Variants in SLC45A4 observed in about 807,000 individuals in gnomAD.
SLC45A4 encodes polyamine-transporter SLC45A4.
Under a neutral mutation model 63.7 loss-of-function variants are expected in SLC45A4, and 32 were observed. That is an observed-to-expected ratio of 0.50 (90% confidence interval 0.38 to 0.67). SLC45A4 has a LOEUF of 0.67. Ranked by LOEUF, SLC45A4 falls within the 30% of genes least tolerant of loss-of-function variation. The pLI is 0.00. For synonymous variants in SLC45A4, 535 were observed against 510.0 expected (o/e 1.05, Z -0.66); for missense variants, 1,027 against 1,157.7 (o/e 0.89, Z 1.64).
chr8:141,290,079 C>T (rs933155240), intron 1 of SLC45A4, among the ~76,000 whole-genome samples: 2 of 152,114 alleles, frequency 1.3e-5, no homozygotes, highest in Non-Finnish European at 2.9e-5. Context: ...CTAGACAGTA[C>T]TATCATTATA....
Position 141,279,688 on chromosome 8 carries a change from C to A in SLC45A4, c.-400-25059G>T, listed in dbSNP as rs76040527. 2.2e-3 allele frequency among the ~76,000 whole-genome samples: 340 copies of A among 152,328 alleles called. 1 individual carries two copies. Among genetic ancestry groups the A allele is most frequent in the Non-Finnish European group, 3.2e-3 (218 of 68,026 alleles). On this transcript the variant is annotated intron_variant, in intron 1 of 8. Transcript: ENST00000517878. ...AGGCTGCCCTCCCTGGCACACGCCC[C>A]GCGCTGGCCGGCAACAAACAAAACC...
At chr8:141,279,944 C>T (rs1829872427) in intron 1 of SLC45A4, among the ~76,000 whole-genome samples, 1 of 152,240 alleles carries the variant, frequency 6.6e-6, no homozygotes, top group Non-Finnish European at 1.5e-5. Flanking sequence ...GCTTGGGACT[C>T]GCCTACATGA....
At chr8:141,297,302 C>T (rs896419505) in intron 1 of SLC45A4, among the ~76,000 whole-genome samples, 6 of 151,992 alleles carry the variant, frequency 3.9e-5, no homozygotes, top group Admixed American at 1.3e-4. Flanking sequence ...CCTGGCAATG[C>T]GGCAAGTGGA....
chr8:141,239,951 C>T (rs1021608048), intron 2 of SLC45A4, among the ~76,000 whole-genome samples: 1 of 152,180 alleles, frequency 6.6e-6, no homozygotes, highest in South Asian at 2.1e-4. Context: ...TTTAAAACTT[C>T]CAGTGTTTTG....
chr8:141,270,523 T>G (rs1182502044), intron 1 of SLC45A4, among the ~76,000 whole-genome samples: 1 of 151,010 alleles, frequency 6.6e-6, no homozygotes. Context: ...AAAAAAAAAT[T>G]AGCCAGGTGT....
intron 2 of SLC45A4, among the ~76,000 whole-genome samples, chr8:141,244,894 G>T (rs1828092884): frequency 1.4e-5 from 2 of 142,044 alleles, no homozygotes; most frequent in South Asian, 4.5e-4. Flanking sequence ...CAGCACCAGG[G>T]CCCAGAAAAC....
chr8:141,263,052 A>T (rs1242195075), intron 1 of SLC45A4, among the ~76,000 whole-genome samples: 1 of 151,994 alleles, frequency 6.6e-6, no homozygotes. Flanking sequence ...TGATGAGTTC[A>T]TGTCCTTTGT....
Position 141,256,677 on chromosome 8 carries a change from T to TGGTGCTACC in SLC45A4, c.-400-2057_-400-2049dup, listed in dbSNP as rs1229993500. 5 of 455,160 alleles carry TGGTGCTACC rather than the reference T, an allele frequency of 1.1e-5. No homozygotes were observed. Among genetic ancestry groups the TGGTGCTACC allele is most frequent in the Non-Finnish European group, 2.2e-5 (5 of 226,078 alleles). 28.2% of individuals were successfully genotyped at this position (455,160 alleles called of 1,614,324 possible). On this transcript the variant is annotated intron_variant, in intron 1 of 8. Transcript: ENST00000517878. This position sits in a 1 kb window ranked among gnomAD's most constrained non-coding sequence, Gnocchi z 4.3. Reference sequence around the variant, plus strand: ...ATTCCTTAAGAACCAAAGGTTCAAGTGGTGCTACCTATGTATTTGCTTCTT... The same window carrying TGGTGCTACC: ...ATTCCTTAAGAACCAAAGGTTCAAGTGGTGCTACCGGTGCTACCTATGTATTTGCTTCTT...
chr8:141,220,174 C>A (rs930536433), intron 3 of SLC45A4, among the ~76,000 whole-genome samples: 3 of 152,222 alleles, frequency 2.0e-5, no homozygotes, highest in African/African-American at 7.2e-5. Context: ...AGCATGAATT[C>A]ACTGTCGCTA....
chr8:141,237,796 G>C (rs1827707329), intron 2 of SLC45A4, among the ~76,000 whole-genome samples: 1 of 152,150 alleles, frequency 6.6e-6, no homozygotes, highest in African/African-American at 2.4e-5. Flanking sequence ...CTCCAAGTGA[G>C]CTGGAGGCCT....
At chr8:141,245,635 T>C (rs2154614539) in intron 2 of SLC45A4, among the ~76,000 whole-genome samples, 1 of 152,166 alleles carries the variant, frequency 6.6e-6, no homozygotes, top group East Asian at 1.9e-4. Context: ...ACTCCCAACC[T>C]GCCGCTCAGA....
rs1378665277 is a variant in SLC45A4, at chr8:141,208,700, C to T, written c.*2872G>A. The T allele has an allele frequency of 6.6e-6, 1 of 152,274 alleles. No homozygotes were observed. The highest frequency in any genetic ancestry group is 1.5e-5 in the Non-Finnish European group (1 of 68,068). 9.4% of individuals were successfully genotyped at this position (152,274 alleles called of 1,614,324 possible). On this transcript the variant is annotated 3_prime_UTR_variant, in exon 9 of 9. Coordinates refer to ENST00000517878, the MANE Select transcript of SLC45A4 (RefSeq NM_001286646.2). ...TAGCTCTTCAGCCACCAGGGAACGT[C>T]ATGATGCCAGTCTGCCGACAGACCC...
chr8:141,301,935 C>T lies in SLC45A4; in HGVS notation c.-401+6161G>A, dbSNP rs1215896550. Reference sequence around the variant, plus strand: ...CCTGATCCCACCACTGCACTCCAGCCTGGGTGACAGAGGGAAACACTGTCT... The same window carrying T: ...CCTGATCCCACCACTGCACTCCAGCTTGGGTGACAGAGGGAAACACTGTCT... On this transcript the variant is annotated intron_variant, in intron 1 of 8. Transcript: ENST00000517878. Among the ~76,000 whole-genome samples, 5 of 151,728 alleles carry T rather than the reference C, an allele frequency of 3.3e-5. No homozygotes were observed. In the South Asian group the frequency reaches 8.3e-4, roughly 25 times the overall value.
chr8:141,226,612 G>A (rs555001908), intron 2 of SLC45A4: 1 of 152,702 alleles, frequency 6.5e-6, no homozygotes, highest in South Asian at 2.1e-4. Flanking sequence ...TCCCTCGGGA[G>A]TGGTCACGGG....
chr8:141,289,192 G>A (rs1238501958), intron 1 of SLC45A4, among the ~76,000 whole-genome samples: 1 of 152,148 alleles, frequency 6.6e-6, no homozygotes, highest in African/African-American at 2.4e-5. Flanking sequence ...AAGGGGCAGA[G>A]GCGGGGATGG....
Position 141,212,260 on chromosome 8 carries a change from C to G in SLC45A4, c.2238G>C (p.Lys746Asn), listed in dbSNP as rs1043084414. ...GEGRAGGNSE[K>N]PTVLKLTRKE... ...TCCGCGTGAGCTTCAGCACGGTGGG[C>G]TTTTCGCTGTTCCCACCGGCCCTGC... The change falls in exon 8 of 9, where the codon AAG becomes AAC. Residue 746 changes from lysine (K) to asparagine (N), a missense_variant. Lys to Asn is a moderately conservative substitution (Grantham distance 94). Coordinates refer to ENST00000517878, the MANE Select transcript of SLC45A4 (RefSeq NM_001286646.2). The G allele has an allele frequency of 3.1e-6, 5 of 1,589,804 alleles. No individual in the cohort carries two copies. In the African/African-American group the frequency reaches 6.7e-5, roughly 21 times the overall value.
rs571150705 is a variant in SLC45A4, at chr8:141,283,958, C to A, written c.-401+24138G>T. Among the ~76,000 whole-genome samples the A allele has an allele frequency of 7.9e-5, 12 of 152,354 alleles. No homozygotes were observed. In the South Asian group the frequency reaches 1.7e-3, roughly 21 times the overall value. On this transcript the variant is annotated intron_variant, in intron 1 of 8. Transcript: ENST00000517878. ...AAACCCAATCAGGCTGTGTGGAGCT[C>A]ATGCCACCTAAAGAGGCTGAGGAAG...
Position 141,215,157 on chromosome 8 carries a change from G to A in SLC45A4, c.1941+602C>T, listed in dbSNP as rs530935872. Among the ~76,000 whole-genome samples, 1 of 152,232 alleles carries A rather than the reference G, an allele frequency of 6.6e-6. No individual in the cohort carries two copies. ...GCATAAAGTCCAGAAAGAGGCAAGA[G>A]TCTGCCTGTGCTGCGGCTACTGAGC... On this transcript the variant is annotated intron_variant, in intron 7 of 8. Coordinates refer to ENST00000517878, the MANE Select transcript of SLC45A4 (RefSeq NM_001286646.2). The surrounding 1 kb of genome is among the most constrained non-coding windows in gnomAD (Gnocchi z 4.3).
intron 1 of SLC45A4, among the ~76,000 whole-genome samples, chr8:141,285,129 G>A (rs1037610956): frequency 6.6e-6 from 1 of 152,164 alleles, no homozygotes; most frequent in African/African-American, 2.4e-5. Context: ...GCGGCCCAGC[G>A]GGATCCAGCA....
Sources: allele counts gnomAD v4.1 joint callset (sites outside exome capture counted in the v4.1 genomes callset), GRCh38; gene constraint gnomAD v4.1.1; non-coding constraint Gnocchi (gnomAD v3.1); transcripts MANE v1.5; gene names NCBI Gene and HGNC (gene_info 2026-07-23, HGNC 2026-07-21).